Variants in SH3D19 observed in about 807,000 individuals in gnomAD.
SH3D19 encodes SH3 domain containing 19, also known as SH3 domain-containing protein 19.
In SH3D19, 58 loss-of-function variants were observed where a neutral mutation model predicts 112.1. The observed-to-expected ratio is 0.52, with a 90% CI of 0.42 to 0.64. SH3D19 has a LOEUF of 0.64. Among genes scored for constraint, SH3D19 ranks in the 30% least tolerant of loss-of-function variants. The pLI is 0.00. For missense variants in SH3D19, 1,090 were observed against 1,263.4 expected (o/e 0.86, Z 2.08); for synonymous variants, 391 against 448.5 (o/e 0.87, Z 1.62).
intron 1 of SH3D19, among the ~76,000 whole-genome samples, chr4:151,248,827 C>T (rs1183386905): frequency 6.6e-6 from 1 of 152,118 alleles, no homozygotes; most frequent in Non-Finnish European, 1.5e-5. Context: ...CAAAACAAAA[C>T]AAAATGCAAA....
In SH3D19 at chr4:151,316,675, A is replaced by T. The variant is rs573573331; in HGVS notation, c.112+8566T>A. 2.0e-5 allele frequency among the ~76,000 whole-genome samples: 3 copies of T among 151,756 alleles called. No homozygotes were observed. The East Asian group carries it at 5.8e-4, about 29-fold the overall frequency. On this transcript the variant is annotated intron_variant, in intron 1 of 19. Transcript: ENST00000604030. ...ACTTGGAACAAATTTTATTTTTAAA[A>T]AGAAAAAAAAGGAAAATAATGGTCC...
intron 2 of SH3D19, among the ~76,000 whole-genome samples, chr4:151,216,834 G>A (rs1279267392): frequency 6.6e-6 from 1 of 151,678 alleles, no homozygotes; most frequent in African/African-American, 2.4e-5. Context: ...ACACTAGGGG[G>A]AAATGCTAAA....
intron 1 of SH3D19, among the ~76,000 whole-genome samples, chr4:151,255,105 C>A (rs1204050889): frequency 6.7e-6 from 1 of 148,752 alleles, no homozygotes; most frequent in African/African-American, 2.5e-5. Flanking sequence ...CCGGATGGGG[C>A]GGCTGGCCTG....
At chr4:151,139,951 A>G (rs1752692655) in intron 12 of SH3D19, 104 bp from the exon 13 acceptor site, 2 of 858,496 alleles carry the variant, frequency 2.3e-6, no homozygotes, top group African/African-American at 3.3e-5. Context: ...TCCTCTTGAC[A>G]CAATTACATT....
intron 11 of SH3D19, among the ~76,000 whole-genome samples, chr4:151,145,220 T>C (rs1412756069): frequency 1.3e-5 from 2 of 152,234 alleles, no homozygotes; most frequent in African/African-American, 4.8e-5. Flanking sequence ...TTTGAATGTA[T>C]TGAGTTTTAA....
intron 1 of SH3D19, among the ~76,000 whole-genome samples, chr4:151,284,079 C>A (rs965767259): frequency 2.0e-5 from 3 of 152,104 alleles, no homozygotes; most frequent in Admixed American, 6.6e-5. Flanking sequence ...ATTTGGGGTT[C>A]ACTGAGTTTT....
At chr4:151,150,098 T>C (rs1193084215) in intron 9 of SH3D19, among the ~76,000 whole-genome samples, 1 of 139,628 alleles carries the variant, frequency 7.2e-6, no homozygotes, top group African/African-American at 2.7e-5. Flanking sequence ...GGCAGGAGAA[T>C]GGCGTGAACC....
chr4:151,314,909 AG>A (rs1472034316), intron 1 of SH3D19, among the ~76,000 whole-genome samples: 1 of 152,150 alleles, frequency 6.6e-6, no homozygotes, highest in African/African-American at 2.4e-5. Flanking sequence ...GAAGATGGTA[AG>A]GGGAAAAGGG....
intron 17 of SH3D19, among the ~76,000 whole-genome samples, chr4:151,129,761 C>T (rs954362886): frequency 6.6e-6 from 1 of 152,182 alleles, no homozygotes; most frequent in Non-Finnish European, 1.5e-5. Flanking sequence ...CGCTTCTCTT[C>T]TCTGAGGCTC....
chr4:151,298,821 C>G (rs1278653054), intron 1 of SH3D19, among the ~76,000 whole-genome samples: 1 of 152,196 alleles, frequency 6.6e-6, no homozygotes, highest in African/African-American at 2.4e-5. Flanking sequence ...ATTCTAACCC[C>G]AGTAAGATTG....
intron 9 of SH3D19, among the ~76,000 whole-genome samples, chr4:151,153,529 GA>G (rs753761447): frequency 1.3e-5 from 2 of 152,112 alleles, no homozygotes; most frequent in Non-Finnish European, 2.9e-5. Flanking sequence ...ATACAGGCAT[GA>G]GCCACCGTGC....
rs547312369 is a variant in SH3D19 at position 151,224,504 on chromosome 4, T to G, written c.152+1543A>C. Among the ~76,000 whole-genome samples the G allele has an allele frequency of 5.9e-5, 9 of 152,352 alleles. No homozygotes were observed. The South Asian group carries it at 1.9e-3, about 32-fold the overall frequency. Reference sequence around the variant, plus strand: ...AAAATATTGCTAAGTCACATCTCCCTTATCTTTTTATGTTCCACTGGTGTT... The same window carrying G: ...AAAATATTGCTAAGTCACATCTCCCGTATCTTTTTATGTTCCACTGGTGTT... On this transcript the variant is annotated intron_variant, in intron 2 of 19. Coordinates refer to ENST00000604030, the MANE Select transcript of SH3D19 (RefSeq NM_001378122.1).
intron 1 of SH3D19, among the ~76,000 whole-genome samples, chr4:151,295,734 G>C (rs959140712): frequency 2.6e-5 from 4 of 152,148 alleles, no homozygotes; most frequent in Admixed American, 6.5e-5. Context: ...CACATTAAAA[G>C]AACCCTAGAA....
chr4:151,324,279 T>A (rs1330345461), intron 1 of SH3D19, among the ~76,000 whole-genome samples: 1 of 152,194 alleles, frequency 6.6e-6, no homozygotes, highest in Non-Finnish European at 1.5e-5. Flanking sequence ...TTTTCCAACT[T>A]TCTCTTAGTG....
chr4:151,282,878 C>T (rs531791524), intron 1 of SH3D19, among the ~76,000 whole-genome samples: 17 of 151,968 alleles, frequency 1.1e-4, no homozygotes, highest in Non-Finnish European at 2.2e-4. Flanking sequence ...ATCGGAAGTA[C>T]TCATTATTTA....
chr4:151,227,398 A>C (rs952265139), intron 1 of SH3D19, among the ~76,000 whole-genome samples: 1 of 152,242 alleles, frequency 6.6e-6, no homozygotes, highest in Non-Finnish European at 1.5e-5. Flanking sequence ...AATAAGTAAA[A>C]AGATTCACAA....
At chr4:151,221,621 C>T (rs1768066543) in intron 2 of SH3D19, among the ~76,000 whole-genome samples, 2 of 152,104 alleles carry the variant, frequency 1.3e-5, no homozygotes, top group African/African-American at 4.8e-5. Context: ...CTGATATTTC[C>T]CTTTCTCTCC....
At chr4:151,139,875 A>C (rs1275672630) in intron 12 of SH3D19, 28 bp from the exon 13 acceptor site, 2 of 1,609,892 alleles carry the variant, frequency 1.2e-6, no homozygotes, top group African/African-American at 2.7e-5. Flanking sequence ...GCTGTGAATG[A>C]AGTGTGCAGG....
At chr4:151,226,643 T>G in intron 1 of SH3D19, 2 of 222,092 alleles carry the variant, frequency 9.0e-6, no homozygotes, top group Non-Finnish European at 1.5e-5. Context: ...CTATATAAAA[T>G]TTTTGATCGT....
Sources: allele counts gnomAD v4.1 joint callset (sites outside exome capture counted in the v4.1 genomes callset), GRCh38; gene constraint gnomAD v4.1.1; transcripts MANE v1.5; gene names NCBI Gene and HGNC (gene_info 2026-07-23, HGNC 2026-07-21).